The following WWOX variants were observed in gnomAD, a reference collection of about 807,000 sequenced individuals.
The protein encoded by WWOX is WW domain containing oxidoreductase, also known as WW domain-containing oxidoreductase.
A neutral mutation model predicts 46.2 loss-of-function variants in WWOX; 69 were observed. The ratio of observed to expected loss-of-function variants is 1.49; its 90% confidence interval spans 1.23 to 1.82. The LOEUF (loss-of-function observed/expected upper bound fraction) is 1.82, where lower values mean the gene tolerates loss of function less well. WWOX is among the 40% of genes most tolerant of loss of function. The pLI is 0.00. For missense variants in WWOX, 919 were observed against 542.6 expected (o/e 1.69, Z -6.89); for synonymous variants, 359 against 202.6 (o/e 1.77, Z -6.56).
At chr16:78,497,282 T>A (rs57917122) in intron 8 of WWOX, among the ~76,000 whole-genome samples, 1 of 152,228 alleles carries the variant, frequency 6.6e-6, no homozygotes, top group Non-Finnish European at 1.5e-5. Flanking sequence ...CAGAATTTGT[T>A]CTTTTCTTAC....
chr16:78,923,659 C>G (rs904181611), intron 8 of WWOX, among the ~76,000 whole-genome samples: 1 of 151,936 alleles, frequency 6.6e-6, no homozygotes, highest in African/African-American at 2.4e-5. Context: ...TGGCTTTTTC[C>G]TATTGGAAAA....
chr16:79,109,070 C>G (rs1249113859), intron 8 of WWOX, among the ~76,000 whole-genome samples: 1 of 152,084 alleles, frequency 6.6e-6, no homozygotes, highest in Non-Finnish European at 1.5e-5. Context: ...TGTCCGTGAG[C>G]ATGTGTGTGT....
chr16:78,191,445 G>C (rs1296692876), intron 5 of WWOX, among the ~76,000 whole-genome samples: 4 of 152,134 alleles, frequency 2.6e-5, no homozygotes, highest in Non-Finnish European at 4.4e-5. Context: ...TATTTGTTTG[G>C]GCTTTGAAAA....
intron 5 of WWOX, among the ~76,000 whole-genome samples, chr16:78,378,919 C>T (rs1597130484): frequency 6.6e-6 from 1 of 152,278 alleles, no homozygotes; most frequent in East Asian, 1.9e-4. Flanking sequence ...TTCAGAGCTT[C>T]CCGGTGTTAC....
intron 8 of WWOX, among the ~76,000 whole-genome samples, chr16:78,578,854 G>A (rs2044974122): frequency 6.6e-6 from 1 of 152,156 alleles, no homozygotes; most frequent in Non-Finnish European, 1.5e-5. Flanking sequence ...CAGAACATCT[G>A]TCTGTGAACA....
intron 5 of WWOX, among the ~76,000 whole-genome samples, chr16:78,362,268 A>C (rs1718671171): frequency 6.6e-6 from 1 of 152,060 alleles, no homozygotes; most frequent in African/African-American, 2.4e-5. Context: ...TAGGAAGAAC[A>C]AGAGACGAGA....
At chr16:79,028,624 AG>A (rs2047692744) in intron 8 of WWOX, among the ~76,000 whole-genome samples, 1 of 151,146 alleles carries the variant, frequency 6.6e-6, no homozygotes, top group Admixed American at 6.6e-5. Context: ...TTCCTGAATT[AG>A]GGTATGTTTT....
intron 8 of WWOX, among the ~76,000 whole-genome samples, chr16:78,436,865 C>A (rs192786355): frequency 5.3e-5 from 8 of 152,306 alleles, no homozygotes; most frequent in Non-Finnish European, 8.8e-5. Context: ...GCATCAGTTT[C>A]TTGGACAAAG....
chr16:78,418,787 A>AT (rs1380574255), intron 6 of WWOX, among the ~76,000 whole-genome samples: 2 of 152,126 alleles, frequency 1.3e-5, no homozygotes, highest in Admixed American at 6.5e-5. Context: ...ACAAAGTGGC[A>AT]TTTTCTCAAC....
Position 78,619,445 on chromosome 16 carries a change from T to A in WWOX, c.1056+186693T>A, listed in dbSNP as rs192034918. Reference sequence around the variant, plus strand: ...TCTCAACAAATTTGTACACACTGCATGCACATGGGTGACCCGCACCCACAT... The same window carrying A: ...TCTCAACAAATTTGTACACACTGCAAGCACATGGGTGACCCGCACCCACAT... On this transcript the variant is annotated intron_variant, in intron 8 of 8. Coordinates refer to ENST00000566780, the MANE Select transcript of WWOX (RefSeq NM_016373.4). 1.1e-4 allele frequency among the ~76,000 whole-genome samples: 17 copies of A among 147,908 alleles called. No homozygotes were observed. In the East Asian group the frequency reaches 3.4e-3, roughly 30 times the overall value.
At chr16:78,131,949 G>C (rs1386946517) in intron 4 of WWOX, among the ~76,000 whole-genome samples, 1 of 150,376 alleles carries the variant, frequency 6.6e-6, no homozygotes, top group Non-Finnish European at 1.5e-5. Flanking sequence ...AAGTTAAAAA[G>C]AACTTTTGCT....
At chr16:78,758,890 T>G (rs2049722268) in intron 8 of WWOX, among the ~76,000 whole-genome samples, 1 of 148,946 alleles carries the variant, frequency 6.7e-6, no homozygotes, top group Admixed American at 6.7e-5. Flanking sequence ...AGAATCTTCT[T>G]CCCAAGCCAG....
chr16:78,319,628 C>T (rs1253310171), intron 5 of WWOX, among the ~76,000 whole-genome samples: 2 of 152,148 alleles, frequency 1.3e-5, no homozygotes, highest in African/African-American at 4.8e-5. Flanking sequence ...TGTGTTATTT[C>T]AAGCCGTGAA....
At chr16:78,593,864 C>T (rs1421686521) in intron 8 of WWOX, among the ~76,000 whole-genome samples, 2 of 152,128 alleles carry the variant, frequency 1.3e-5, no homozygotes, top group Admixed American at 6.5e-5. Context: ...CTGGGCCATA[C>T]ATTTGTAAGC....
At chr16:79,022,560 T>C (rs1449012452) in intron 8 of WWOX, among the ~76,000 whole-genome samples, 1 of 152,144 alleles carries the variant, frequency 6.6e-6, no homozygotes, top group East Asian at 1.9e-4. Flanking sequence ...AATAATATCT[T>C]TGCAGGACAA....
intron 5 of WWOX, among the ~76,000 whole-genome samples, chr16:78,363,544 GC>G (rs2081460912): frequency 6.6e-6 from 1 of 152,126 alleles, no homozygotes; most frequent in Non-Finnish European, 1.5e-5. Context: ...CTCCCAAAGT[GC>G]TGGGAATACA....
intron 8 of WWOX, among the ~76,000 whole-genome samples, chr16:78,502,841 C>T (rs1301303834): frequency 1.3e-5 from 2 of 152,038 alleles, no homozygotes; most frequent in Non-Finnish European, 2.9e-5. Flanking sequence ...CAGTATGACT[C>T]GTAACTGTTA....
intron 8 of WWOX, among the ~76,000 whole-genome samples, chr16:78,853,325 A>G (rs897846711): frequency 6.6e-6 from 1 of 152,084 alleles, no homozygotes; most frequent in Non-Finnish European, 1.5e-5. Context: ...GGTTCAAGCA[A>G]TTCTTCTGCC....
chr16:78,769,259 G>T (rs1426694023), intron 8 of WWOX, among the ~76,000 whole-genome samples: 1 of 152,156 alleles, frequency 6.6e-6, no homozygotes, highest in Non-Finnish European at 1.5e-5. Context: ...AATGCCACCT[G>T]GGAGTTGGGG....
Sources: gnomAD v4.1 joint callset for allele counts (sites outside exome capture counted in the v4.1 genomes callset) on GRCh38, gnomAD v4.1.1 for gene constraint, MANE v1.5 for transcripts, NCBI Gene and HGNC (gene_info 2026-07-23, HGNC 2026-07-21) for gene names.